Variants in TTC6 observed in about 807,000 individuals in gnomAD.
TTC6 encodes the protein tetratricopeptide repeat protein 6.
A neutral mutation model predicts 210.4 loss-of-function variants in TTC6; 172 were observed. The ratio of observed to expected loss-of-function variants is 0.82; its 90% CI spans 0.72 to 0.93. The LOEUF (loss-of-function observed/expected upper bound fraction) is 0.93. TTC6 is among the 40% of genes least tolerant of loss of function. The pLI, the probability that TTC6 is intolerant of heterozygous loss-of-function variation, is 0.00. For synonymous variants in TTC6, 804 were observed against 819.6 expected (o/e 0.98, Z 0.32); for missense variants, 2,414 against 2,318.1 (o/e 1.04, Z -0.85).
chr14:37,804,456 G>A (rs995718184), intron 20 of TTC6, among the ~76,000 whole-genome samples: 1 of 152,274 alleles, frequency 6.6e-6, no homozygotes, highest in Non-Finnish European at 1.5e-5. Flanking sequence ...CTGGCTTGTA[G>A]GATAGGCACC....
At chr14:37,787,096 A>C (rs2096069519) in intron 14 of TTC6, among the ~76,000 whole-genome samples, 1 of 152,160 alleles carries the variant, frequency 6.6e-6, no homozygotes, top group African/African-American at 2.4e-5. Context: ...AAAATGGATT[A>C]TTTTGCTTTT....
chr14:37,616,621 C>G (rs535939088), intron 2 of TTC6, among the ~76,000 whole-genome samples: 23 of 151,872 alleles, frequency 1.5e-4, no homozygotes, highest in Admixed American at 1.3e-3. Context: ...GGCGTGAACC[C>G]GGGAGACGGA....
At chr14:37,750,959 G>A in intron 12 of TTC6, 94 bp from the exon 15 acceptor site, 2 of 676,846 alleles carry the variant, frequency 3.0e-6, no homozygotes, top group Non-Finnish European at 4.5e-6. Context: ...AAATTATTTT[G>A]ACTACATTTG....
chr14:37,604,245 C>G (rs1045440400), intron 1 of TTC6, among the ~76,000 whole-genome samples: 42 of 152,296 alleles, frequency 2.8e-4, no homozygotes, highest in African/African-American at 9.6e-4. Flanking sequence ...TCCTAATTTC[C>G]TTGACTGGTG....
intron 10 of TTC6, among the ~76,000 whole-genome samples, chr14:37,740,917 G>A (rs2095917045): frequency 1.3e-5 from 2 of 152,146 alleles, no homozygotes. Flanking sequence ...CTAAAAAAAG[G>A]ATATAAACTG....
At chr14:37,676,469 T>C (rs180934069) in intron 1 of TTC6, among the ~76,000 whole-genome samples, 1 of 152,198 alleles carries the variant, frequency 6.6e-6, no homozygotes, top group East Asian at 1.9e-4. Flanking sequence ...TACTAGACCC[T>C]TGTCAGGCAA....
intron 16 of TTC6, 81 bp downstream of exon 18, chr14:37,790,918 C>T: frequency 2.4e-6 from 3 of 1,226,188 alleles, no homozygotes; most frequent in Admixed American, 2.9e-5. Context: ...GTTTCTTTCC[C>T]CTCATCATTG....
chr14:37,725,171 A>G (rs1167235630), intron 7 of TTC6, among the ~76,000 whole-genome samples, 169 bp downstream of exon 9: 2 of 150,378 alleles, frequency 1.3e-5, no homozygotes, highest in Non-Finnish European at 3.0e-5. Flanking sequence ...ATATATGTAA[A>G]TAATTGTATG....
chr14:37,771,968 A>C (rs1175519254), intron 14 of TTC6, among the ~76,000 whole-genome samples: 1 of 152,108 alleles, frequency 6.6e-6, no homozygotes, highest in Non-Finnish European at 1.5e-5. Flanking sequence ...ATGGTGATGT[A>C]CAGATGGGTT....
chr14:37,715,179 A>T (rs2095850642), intron 6 of TTC6, among the ~76,000 whole-genome samples: 4 of 152,092 alleles, frequency 2.6e-5, no homozygotes, highest in African/African-American at 9.7e-5. Context: ...CAAAAAAAAA[A>T]TTATTGAAGA....
intron 1 of TTC6, among the ~76,000 whole-genome samples, chr14:37,599,766 T>A (rs1481315207): frequency 7.9e-5 from 12 of 152,172 alleles, no homozygotes; most frequent in African/African-American, 2.9e-4. Flanking sequence ...TCGACAGCGT[T>A]GGAAGGAAGA....
intron 17 of TTC6, among the ~76,000 whole-genome samples, chr14:37,792,634 C>CTT (rs201458147): frequency 6.6e-6 from 1 of 150,820 alleles, no homozygotes. Context: ...AAAATAATAC[C>CTT]TTTTTTTTTC....
intron 1 of TTC6, among the ~76,000 whole-genome samples, chr14:37,663,919 T>C (rs2095742549): frequency 6.6e-6 from 1 of 151,910 alleles, no homozygotes; most frequent in African/African-American, 2.4e-5. Context: ...ACAGAAAGAA[T>C]AAATACCTAG....
chr14:37,670,943 A>G (rs1462722115), intron 1 of TTC6, among the ~76,000 whole-genome samples: 1 of 152,230 alleles, frequency 6.6e-6, no homozygotes, highest in Non-Finnish European at 1.5e-5. Context: ...CTGAAGAGCT[A>G]GAGTTTTAGA....
At chr14:37,829,630 TG>T (rs1319480519) in intron 29 of TTC6, among the ~76,000 whole-genome samples, 1 of 151,992 alleles carries the variant, frequency 6.6e-6, no homozygotes, top group Non-Finnish European at 1.5e-5. Context: ...CACAGTCTCT[TG>T]GGTATAAAAA....
intron 14 of TTC6, among the ~76,000 whole-genome samples, chr14:37,763,705 T>A (rs1410608458): frequency 6.6e-6 from 1 of 152,106 alleles, no homozygotes; most frequent in African/African-American, 2.4e-5. Context: ...TTCTTCTTAG[T>A]CGGTCTAGCT....
At chr14:37,738,862 G>A (rs1345422091) in exon 10 of TTC6, 1 of 1,534,866 alleles carries the variant, frequency 6.5e-7, no homozygotes, top group Admixed American at 2.0e-5. Context: ...GTATAAAAGA[G>A]GTTATGTTTC....
chr14:37,635,976 A>G lies in TTC6; in HGVS notation c.939+12973A>G, dbSNP rs1273930845. Among the ~76,000 whole-genome samples, 27 of 120,778 alleles carry G rather than the reference A, an allele frequency of 2.2e-4. 1 individual carries two copies. Among genetic ancestry groups the G allele is most frequent in the African/African-American group, 7.8e-4 (26 of 33,274 alleles). 79.2% of individuals were successfully genotyped at this position (120,778 alleles called of 152,430 possible). A position where few individuals can be genotyped will look rare whatever the true frequency, so the allele number is the denominator to read the frequency against. Reference sequence around the variant, plus strand: ...CCCCTGGCAACAAGAGCAAAATTCCATTTCCAAAAAAAAAAAAAAAAAAAG... The same window carrying G: ...CCCCTGGCAACAAGAGCAAAATTCCGTTTCCAAAAAAAAAAAAAAAAAAAG... On this transcript the variant is annotated intron_variant, in intron 1 of 30. Coordinates refer to ENST00000553443, the Ensembl canonical transcript of TTC6.
At chr14:37,696,814 G>A in exon 4 of TTC6, 1 of 1,393,298 alleles carries the variant, frequency 7.2e-7, no homozygotes, top group Non-Finnish European at 9.3e-7. Context: ...AAACCTCTTT[G>A]TGATAAAAAA....
Sources: allele counts gnomAD v4.1 joint callset (sites outside exome capture counted in the v4.1 genomes callset), GRCh38; gene constraint gnomAD v4.1.1; transcripts MANE v1.5; gene names NCBI Gene and HGNC (gene_info 2026-07-23, HGNC 2026-07-21).